Variants in DRC3 observed in about 807,000 individuals in gnomAD.
DRC3 encodes the protein leucine rich repeat containing 48.
A neutral mutation model predicts 57.6 loss-of-function variants in DRC3; 45 were observed. The ratio of observed to expected loss-of-function variants is 0.78; its 90% confidence interval spans 0.62 to 1.00. The LOEUF (loss-of-function observed/expected upper bound fraction) is 1.00, where lower values mean the gene tolerates loss of function less well. Ranked by LOEUF, DRC3 falls within the 50% of genes least tolerant of loss-of-function variation. DRC3 has a pLI of 0.00. For synonymous variants in DRC3, 257 were observed against 272.3 expected (o/e 0.94, Z 0.55); for missense variants, 655 against 675.2 (o/e 0.97, Z 0.33).
chr17:17,977,971 C>A (rs1051893322), intron 3 of DRC3: 3 of 467,816 alleles, frequency 6.4e-6, no homozygotes, highest in African/African-American at 6.1e-5. Flanking sequence ...CACGACGCTC[C>A]GGATTCTGAA....
At chr17:17,986,191 C>T (rs371395346) in intron 4 of DRC3, among the ~76,000 whole-genome samples, 15 of 152,302 alleles carry the variant, frequency 9.8e-5, no homozygotes, top group African/African-American at 3.4e-4. Context: ...GGATTATAGG[C>T]GTGAGCCACT....
At chr17:17,994,887 TTC>T (rs1597600523) in intron 7 of DRC3, 110 bp from the exon 8 acceptor site, 1 of 712,506 alleles carries the variant, frequency 1.4e-6, no homozygotes, top group East Asian at 2.7e-5. Flanking sequence ...GCACATGCCA[TTC>T]TCTTTGTCTG....
intron 4 of DRC3, among the ~76,000 whole-genome samples, chr17:17,985,398 A>C (rs1186094931): frequency 1.3e-5 from 2 of 152,208 alleles, no homozygotes; most frequent in Non-Finnish European, 2.9e-5. Context: ...AAGAGGTCAC[A>C]CTGCCCCTCA....
At chr17:17,982,148 A>T (rs1436182357) in intron 3 of DRC3, among the ~76,000 whole-genome samples, 1 of 150,938 alleles carries the variant, frequency 6.6e-6, no homozygotes, top group African/African-American at 2.4e-5. Context: ...GCGTGTCACC[A>T]CGCCCAACTA....
chr17:17,992,032 T>G (rs1167344277), intron 5 of DRC3, among the ~76,000 whole-genome samples: 2 of 152,176 alleles, frequency 1.3e-5, no homozygotes, highest in Non-Finnish European at 2.9e-5. Context: ...TCCAACCCTT[T>G]GGGAGGCCAA....
intron 9 of DRC3, among the ~76,000 whole-genome samples, 159 bp from the exon 10 acceptor site, chr17:18,004,204 C>A (rs1458552220): frequency 6.6e-6 from 1 of 152,188 alleles, no homozygotes; most frequent in Non-Finnish European, 1.5e-5. Flanking sequence ...GGGTAGGTAG[C>A]TTCTACACGC....
intron 3 of DRC3, among the ~76,000 whole-genome samples, chr17:17,979,843 T>TG (rs2145206858): frequency 6.6e-6 from 1 of 152,280 alleles, no homozygotes; most frequent in South Asian, 2.1e-4. Context: ...AGTATCATTC[T>TG]GGGAAATCTG....
chr17:17,998,256 T>C (rs1454777027), intron 9 of DRC3, among the ~76,000 whole-genome samples: 1 of 151,850 alleles, frequency 6.6e-6, no homozygotes, highest in African/African-American at 2.4e-5. Flanking sequence ...GAAAAGTTGA[T>C]GGGGAGGAAG....
chr17:17,994,424 G>C lies in DRC3; in HGVS notation c.711+6G>C. On this transcript the variant is annotated splice_donor_region_variant and intron_variant, in intron 7 of 13. Coordinates refer to ENST00000399187, the MANE Select transcript of DRC3 (RefSeq NM_031294.4). ...AGGAGCTAGAGAAGCACAAGGTACC[G>C]TTCCGGCAGGCTGCACGCCCTCGGC... The C allele has an allele frequency of 1.9e-6, 3 of 1,551,244 alleles. No homozygotes were observed. The highest frequency in any genetic ancestry group is 2.6e-6 in the Non-Finnish European group (3 of 1,147,104).
chr17:18,005,976 G>A (rs1169492200), intron 10 of DRC3: 3 of 570,752 alleles, frequency 5.3e-6, no homozygotes, highest in Non-Finnish European at 9.5e-6. Context: ...TTCAGATGGT[G>A]AGGGAGTTAA....
rs79806988 is a variant in DRC3 at position 17,977,037 on chromosome 17, C to T, written c.-17-545C>T. Among the ~76,000 whole-genome samples, 938 of 152,302 alleles carry T rather than the reference C, an allele frequency of 6.2e-3. 7 individuals are homozygous for T. The highest frequency in any genetic ancestry group is 0.011 in the Non-Finnish European group (731 of 68,020). ...AACTTCACATCTCCCACGGGGAGGA[C>T]GTGAATGGGCAGCTTGGGTCAGGGG... On this transcript the variant is annotated intron_variant, in intron 2 of 13. Transcript: ENST00000399187.
At chr17:18,010,246 G>A (rs1311029911) in intron 12 of DRC3, among the ~76,000 whole-genome samples, 1 of 152,222 alleles carries the variant, frequency 6.6e-6, no homozygotes, top group Non-Finnish European at 1.5e-5. Flanking sequence ...TGGCAGAGGA[G>A]AATGCAGGGT....
chr17:18,005,418 C>T (rs906095591), intron 10 of DRC3: 1 of 152,486 alleles, frequency 6.6e-6, no homozygotes. Flanking sequence ...CCCTGCCCAC[C>T]TTGCAGCCCC....
chr17:18,004,743 G>A, intron 10 of DRC3: 1 of 466,786 alleles, frequency 2.1e-6, no homozygotes. Context: ...TATCCTGGAA[G>A]TCAGTGGGGA....
chr17:17,977,018 A>G (rs2042420888), intron 2 of DRC3, among the ~76,000 whole-genome samples: 1 of 152,012 alleles, frequency 6.6e-6, no homozygotes, highest in Non-Finnish European at 1.5e-5. Flanking sequence ...CCTCAACTTC[A>G]CATCTCCCAC....
rs749964191 is a variant in DRC3, at chr17:18,007,061, G to A, written c.1240G>A (p.Glu414Lys). 6 of 1,563,162 alleles carry A rather than the reference G, an allele frequency of 3.8e-6. No individual in the cohort carries two copies. Among genetic ancestry groups the A allele is most frequent in the South Asian group, 3.4e-5 (3 of 89,540 alleles). Residue 414 changes from glutamate (E) to lysine (K), a missense_variant, in exon 12 of 14, where the codon GAG becomes AAG. Physicochemically the swap from Glu to Lys is moderately conservative, Grantham distance 56. Coordinates refer to ENST00000399187, the MANE Select transcript of DRC3 (RefSeq NM_031294.4). ...QCRDLENHHHEKLLEISISTL... is the reference protein window; with the variant it reads ...QCRDLENHHHKKLLEISISTL... ...CCGGGACCTGGAGAATCACCACCAC[G>A]AGAAGCTCCTGGAGATCTCTATCAG...
In DRC3 at chr17:17,977,479, A is replaced by C. The variant is rs545993198; in HGVS notation, c.-17-103A>C. ...GGGCTGGGCGTGGGGCATTCCTCAG[A>C]GTGCCAGTGGCCACAAGACACTACA... On this transcript the variant is annotated intron_variant, in intron 2 of 13. Coordinates refer to ENST00000399187, the MANE Select transcript of DRC3 (RefSeq NM_031294.4). 1.3e-5 allele frequency: 18 copies of C among 1,354,944 alleles called. No individual in the cohort carries two copies. The South Asian group carries it at 2.3e-4, about 17-fold the overall frequency. 83.9% of individuals were successfully genotyped at this position (1,354,944 alleles called of 1,614,324 possible).
At chr17:17,997,932 G>A (rs770894887) in intron 9 of DRC3, among the ~76,000 whole-genome samples, 45 of 152,152 alleles carry the variant, frequency 3.0e-4, no homozygotes, top group Non-Finnish European at 6.0e-4. Context: ...TATCATCATC[G>A]TTACTATTAA....
intron 9 of DRC3, among the ~76,000 whole-genome samples, chr17:18,001,803 A>T (rs764223584): frequency 6.0e-4 from 92 of 152,200 alleles, no homozygotes; most frequent in Admixed American, 1.5e-3. Flanking sequence ...GAATTAAAAA[A>T]TTTTTAAGGT....
Sources: gnomAD v4.1 joint callset for allele counts (sites outside exome capture counted in the v4.1 genomes callset) on GRCh38, gnomAD v4.1.1 for gene constraint, MANE v1.5 for transcripts, NCBI Gene and HGNC (gene_info 2026-07-23, HGNC 2026-07-21) for gene names.